Variants in SYNRG observed in about 807,000 individuals in gnomAD.
SYNRG encodes AP1 gamma subunit binding protein 1.
Under a neutral mutation model 130.9 loss-of-function variants are expected in SYNRG, and 37 were observed. That is an observed-to-expected ratio of 0.28 (90% CI 0.22 to 0.37). The LOEUF is 0.37. SYNRG is among the 10% of genes least tolerant of loss of function. The pLI, the probability that SYNRG is intolerant of heterozygous loss-of-function variation, is 1.00. For missense variants in SYNRG, 1,338 were observed against 1,588.9 expected (o/e 0.84, Z 2.68); for synonymous variants, 539 against 568.1 (o/e 0.95, Z 0.73).
At chr17:37,581,662 C>T (rs2061348426) in intron 6 of SYNRG, among the ~76,000 whole-genome samples, 1 of 152,134 alleles carries the variant, frequency 6.6e-6, no homozygotes, top group Non-Finnish European at 1.5e-5. Context: ...TCTCAGCTCA[C>T]TGCAACCTCT....
intron 6 of SYNRG, 99 bp from the exon 7 acceptor site, chr17:37,577,712 T>C: frequency 4.0e-6 from 4 of 996,442 alleles, no homozygotes; most frequent in Admixed American, 5.4e-5. Flanking sequence ...TTTTTTTTTT[T>C]TTTTGAGATG....
intron 14 of SYNRG, among the ~76,000 whole-genome samples, chr17:37,544,827 T>A (rs1012915198): frequency 1.2e-4 from 18 of 152,194 alleles, no homozygotes; most frequent in Non-Finnish European, 2.5e-4. Flanking sequence ...GAAAAATGTT[T>A]CATAATACAG....
chr17:37,521,778 G>A (rs1395231193), intron 19 of SYNRG, among the ~76,000 whole-genome samples: 2 of 152,158 alleles, frequency 1.3e-5, no homozygotes, highest in African/African-American at 2.4e-5. Context: ...AAATGGGCAC[G>A]TGAAAGAGCT....
At chr17:37,596,827 G>C (rs981042541) in intron 2 of SYNRG, among the ~76,000 whole-genome samples, 2 of 152,016 alleles carry the variant, frequency 1.3e-5, no homozygotes, top group African/African-American at 4.8e-5. Flanking sequence ...GCAGTGGCAT[G>C]ATCTCAGCTC....
At chr17:37,578,531 A>C (rs1055842564) in intron 6 of SYNRG, among the ~76,000 whole-genome samples, 1 of 152,132 alleles carries the variant, frequency 6.6e-6, no homozygotes, top group Non-Finnish European at 1.5e-5. Flanking sequence ...TAACACTTCC[A>C]CTAACTCCTA....
At chr17:37,520,393 G>A (rs2054849997) in intron 20 of SYNRG, 145 bp downstream of exon 20, 2 of 1,057,060 alleles carry the variant, frequency 1.9e-6, no homozygotes, top group Non-Finnish European at 1.4e-6. Flanking sequence ...TCGAGGGAAT[G>A]TGTCTGCTCC....
chr17:37,580,488 T>TGA (rs1461780260), intron 6 of SYNRG, among the ~76,000 whole-genome samples: 7 of 128,670 alleles, frequency 5.4e-5, no homozygotes, highest in Admixed American at 8.1e-5. Context: ...CGTGTGTGTG[T>TGA]GTGTGTGTGT....
At chr17:37,550,380 G>A (rs556191931) in intron 14 of SYNRG, among the ~76,000 whole-genome samples, 13 of 152,218 alleles carry the variant, frequency 8.5e-5, no homozygotes, top group African/African-American at 2.4e-4. Context: ...AGTGTTTGAC[G>A]AAACAAAACA....
rs777626786 is a variant in SYNRG, at chr17:37,579,157, T to C, written c.590-1544A>G. On this transcript the variant is annotated intron_variant, in intron 6 of 21. Transcript: ENST00000612223. ...CTGCTTCTGGTACACTGTGTGAGGC[T>C]GAAGCAGTAGAGAAGTAAGGAATTT... The C allele has an allele frequency of 1.0e-5, 12 of 1,204,188 alleles. No homozygotes were observed. The South Asian group carries it at 1.9e-4, about 19-fold the overall frequency. 74.6% of individuals were successfully genotyped at this position (1,204,188 alleles called of 1,614,324 possible).
chr17:37,547,699 G>A (rs2058392119), intron 14 of SYNRG, among the ~76,000 whole-genome samples: 1 of 152,160 alleles, frequency 6.6e-6, no homozygotes, highest in Non-Finnish European at 1.5e-5. Context: ...CTGACCTCAG[G>A]TGATCCGCCT....
At chr17:37,551,488 T>C (rs1007013073) in intron 14 of SYNRG, among the ~76,000 whole-genome samples, 1 of 151,724 alleles carries the variant, frequency 6.6e-6, no homozygotes, top group Non-Finnish European at 1.5e-5. Context: ...TAAAAGAACA[T>C]GAGCACAGAA....
chr17:37,583,737 A>C (rs1255081219), intron 6 of SYNRG, among the ~76,000 whole-genome samples: 1 of 152,150 alleles, frequency 6.6e-6, no homozygotes, highest in African/African-American at 2.4e-5. Flanking sequence ...CTGATGCCTA[A>C]GCTGGAGCGG....
At chr17:37,529,546 A>AAG (rs1241073834) in intron 19 of SYNRG, among the ~76,000 whole-genome samples, 27 of 123,492 alleles carry the variant, frequency 2.2e-4, no homozygotes, top group African/African-American at 7.4e-4. Flanking sequence ...TACAAAAAAA[A>AAG]AAAAAAAAAG....
chr17:37,570,695 A>G lies in SYNRG; in HGVS notation c.1289T>C (p.Val430Ala), dbSNP rs745573234. The G allele has an allele frequency of 4.3e-6, 7 of 1,614,184 alleles. No individual in the cohort carries two copies. The highest frequency in any genetic ancestry group is 5.9e-6 in the Non-Finnish European group (7 of 1,180,022). The part of the protein sequence containing the change: ...PVMGINLVGP[V>A]GGAAAQASSG... ...AGAAGCCTGGGCTGCAGCTCCACCC[A>G]CTGGTCCAACAAGGTTAATGCCCAT... Residue 430 changes from valine (V) to alanine (A), a missense_variant, in exon 10 of 22, where the codon GTG (valine) becomes GCG (alanine). Val to Ala is a moderately conservative substitution (Grantham distance 64). Coordinates refer to ENST00000612223, the MANE Select transcript of SYNRG (RefSeq NM_007247.6).
Position 37,518,913 on chromosome 17 carries a change from A to C in SYNRG, c.*27T>G. On this transcript the variant is annotated 3_prime_UTR_variant, in exon 22 of 22. Coordinates refer to ENST00000612223, the MANE Select transcript of SYNRG (RefSeq NM_007247.6). ...CCCCGTGGGGTGTCACAGAAAAAAA[A>C]AAGTCAATGCTTCACAGAGGAGTTG... 2.5e-6 allele frequency: 4 copies of C among 1,605,734 alleles called. No individual in the cohort carries two copies. Among genetic ancestry groups the C allele is most frequent in the Non-Finnish European group, 3.4e-6 (4 of 1,175,868 alleles).
intron 11 of SYNRG, chr17:37,568,308 AAAC>A: frequency 6.5e-6 from 1 of 152,734 alleles, no homozygotes; most frequent in Non-Finnish European, 1.5e-5. Context: ...CTGTCTATGC[AAAC>A]AACAGAAATC....
chr17:37,580,508 T>TGAGAGAGAGAGAGA (rs1470548930), intron 6 of SYNRG, among the ~76,000 whole-genome samples: 521 of 133,698 alleles, frequency 3.9e-3, no homozygotes, highest in Admixed American at 6.2e-3. Context: ...TGTGTGTGTG[T>TGAGAGAGAGAGAGA]GTGAGAGAGA....
At chr17:37,534,903 A>T (rs2057042184) in intron 19 of SYNRG, among the ~76,000 whole-genome samples, 1 of 82,636 alleles carries the variant, frequency 1.2e-5, no homozygotes, top group Non-Finnish European at 2.2e-5. Context: ...GTTCCATGTT[A>T]AAAAAAAAAT....
Position 37,553,891 on chromosome 17 carries a change from G to C in SYNRG, c.1832C>G (p.Pro611Arg). ...CATATCTAGGTCTGCTAAGTTCAGA[G>C]GGTTTTTCACTTGTGTTTGTTGTTT... The part of the protein sequence containing the change: ...QQKQQTQVKN[P>R]LNLADLDMFS... The change falls in exon 14 of 22, where the codon CCT becomes CGT. Residue 611 changes from proline to arginine, a missense_variant. Coordinates refer to ENST00000612223, the MANE Select transcript of SYNRG (RefSeq NM_007247.6). The C allele has an allele frequency of 6.2e-7, 1 of 1,607,134 alleles. No homozygotes were observed. The highest frequency in any genetic ancestry group is 1.7e-4 in the Middle Eastern group (1 of 6,046).
Sources: gnomAD v4.1 joint callset for allele counts (sites outside exome capture counted in the v4.1 genomes callset) on GRCh38, gnomAD v4.1.1 for gene constraint, MANE v1.5 for transcripts, NCBI Gene and HGNC (gene_info 2026-07-23, HGNC 2026-07-21) for gene names.